WDHD1: variants seen among roughly 807,000 people sequenced by gnomAD.
WDHD1 encodes WD repeat and HMG-box DNA-binding protein 1.
A neutral mutation model predicts 135.4 loss-of-function variants in WDHD1; 111 were observed. The observed-to-expected ratio is 0.82, with a 90% CI of 0.70 to 0.96. The LOEUF is 0.96. WDHD1 is among the 40% of genes least tolerant of loss of function. WDHD1 has a pLI of 0.00. For synonymous variants in WDHD1, 434 were observed against 439.0 expected (o/e 0.99, Z 0.14); for missense variants, 1,351 against 1,336.3 (o/e 1.01, Z -0.17).
At chr14:54,991,161 G>T in intron 12 of WDHD1, 52 bp downstream of exon 12, 1 of 1,023,902 alleles carries the variant, frequency 9.8e-7, no homozygotes, top group Non-Finnish European at 1.5e-6. Flanking sequence ...ACTATAGTAA[G>T]AAAAAAGTGC....
rs1221559938 is a variant in WDHD1, at chr14:55,010,300, G to C, written c.341+9C>G. The C allele has an allele frequency of 5.7e-6, 9 of 1,575,624 alleles. No individual in the cohort carries two copies. The African/African-American group carries it at 1.2e-4, about 22-fold the overall frequency. On this transcript the variant is annotated intron_variant, in intron 4 of 25. Transcript: ENST00000360586. ...CATTATTTCCTTTTCTGATGTCAAA[G>C]AGCCTTACCTAGATCCAGCAGCAAT...
intron 10 of WDHD1, among the ~76,000 whole-genome samples, chr14:54,999,042 C>T (rs1281730567): frequency 1.3e-5 from 2 of 152,202 alleles, no homozygotes; most frequent in East Asian, 3.9e-4. Flanking sequence ...TTTTTGTCTT[C>T]CCTGGAGTTA....
chr14:54,992,452 T>C (rs1162928723), intron 11 of WDHD1, among the ~76,000 whole-genome samples: 1 of 152,216 alleles, frequency 6.6e-6, no homozygotes, highest in Non-Finnish European at 1.5e-5. Flanking sequence ...ATCGTGCCAC[T>C]GCACTCTAGG....
chr14:54,960,772 C>T (rs1448622607), intron 21 of WDHD1, among the ~76,000 whole-genome samples: 2 of 151,354 alleles, frequency 1.3e-5, no homozygotes, highest in East Asian at 1.9e-4. Flanking sequence ...TCCCAAAGTG[C>T]TGGAATTACA....
intron 4 of WDHD1, among the ~76,000 whole-genome samples, chr14:55,009,214 T>C (rs1477767846): frequency 1.3e-5 from 2 of 152,210 alleles, no homozygotes; most frequent in Non-Finnish European, 2.9e-5. Context: ...AGATTTCCCA[T>C]TATGCTAAAA....
intron 11 of WDHD1, among the ~76,000 whole-genome samples, chr14:54,994,683 T>A (rs914267235): frequency 2.0e-5 from 3 of 150,238 alleles, no homozygotes; most frequent in Non-Finnish European, 3.0e-5. Flanking sequence ...ATCACTTGAA[T>A]CCAGGAGGCG....
rs1251308154 is a variant in WDHD1, at chr14:54,941,669, C to T, written c.3211G>A (p.Gly1071Arg). ...TCAGTTCCTTCACTTGCCGTTTCTCCTTTGGCTTTGTTAGCCCACACCTTT... is the reference window on the plus strand; with the variant it reads ...TCAGTTCCTTCACTTGCCGTTTCTCTTTTGGCTTTGTTAGCCCACACCTTT... ...ERKVWANKAK[G>R]ETASEGTEAK... The change falls in exon 26 of 26, where the codon GGA (glycine) becomes AGA (arginine). Residue 1071 changes from glycine to arginine, a missense_variant. Physicochemically the swap from Gly to Arg is moderately radical, Grantham distance 125 (BLOSUM62 -2). Around this residue, in one of 2 missense-constraint regions of WDHD1, gnomAD observed 1,330 missense variants for 1,296.1 expected, o/e 1.03. Transcript: ENST00000360586. 1.3e-5 allele frequency: 21 copies of T among 1,613,492 alleles called. No individual in the cohort carries two copies. The highest frequency in any genetic ancestry group is 1.8e-5 in the Non-Finnish European group (21 of 1,179,824).
rs2041789645 is a variant in WDHD1, at chr14:54,991,514, T to A, written c.1154-114A>T. 4 of 1,001,862 alleles carry A rather than the reference T, an allele frequency of 4.0e-6. No individual in the cohort carries two copies. In the East Asian group the frequency reaches 1.0e-4, roughly 25 times the overall value. 62.1% of individuals were successfully genotyped at this position (1,001,862 alleles called of 1,614,324 possible). A position where few individuals can be genotyped will look rare whatever the true frequency, so the allele number is the denominator to read the frequency against. The stretch of plus-strand genomic sequence containing the variant: ...TTCATATTCAATGACACTGACATGC[T>A]ATTTGCCTCTTTCACTGTGTTAAAG... On this transcript the variant is annotated intron_variant, in intron 11 of 25. Coordinates refer to ENST00000360586, the MANE Select transcript of WDHD1 (RefSeq NM_007086.4).
chr14:55,024,175 T>A (rs2042394978), intron 2 of WDHD1, among the ~76,000 whole-genome samples: 1 of 152,234 alleles, frequency 6.6e-6, no homozygotes, highest in Non-Finnish European at 1.5e-5. Context: ...GGGTCAATTG[T>A]ATATTTCTAT....
At chr14:55,002,529 G>GA (rs1260140464) in intron 7 of WDHD1, among the ~76,000 whole-genome samples, 1 of 152,058 alleles carries the variant, frequency 6.6e-6, no homozygotes, top group East Asian at 1.9e-4. Context: ...CATGGGAAGA[G>GA]AAAAAAATAA....
intron 24 of WDHD1, among the ~76,000 whole-genome samples, chr14:54,949,610 T>G (rs1238565292): frequency 6.6e-6 from 1 of 152,146 alleles, no homozygotes; most frequent in Non-Finnish European, 1.5e-5. Context: ...TTCCCCAACC[T>G]AGCAAGGCAG....
intron 25 of WDHD1, among the ~76,000 whole-genome samples, chr14:54,942,024 G>A (rs985433460): frequency 6.6e-6 from 1 of 152,106 alleles, no homozygotes; most frequent in Admixed American, 6.6e-5. Flanking sequence ...GCCGAGGTGG[G>A]TGGATCACGG....
intron 13 of WDHD1, among the ~76,000 whole-genome samples, chr14:54,988,291 G>A (rs1310741411): frequency 6.6e-6 from 1 of 151,836 alleles, no homozygotes; most frequent in Admixed American, 6.6e-5. Flanking sequence ...CAAAAATGTA[G>A]ATTAATAGTT....
chr14:54,975,067 C>T (rs2041503027), intron 16 of WDHD1, among the ~76,000 whole-genome samples: 1 of 152,086 alleles, frequency 6.6e-6, no homozygotes, highest in Admixed American at 6.5e-5. Flanking sequence ...CTAGTCGGTA[C>T]TATAATAAAT....
chr14:55,018,447 ACTC>A (rs1347966467), intron 2 of WDHD1, among the ~76,000 whole-genome samples: 1 of 152,148 alleles, frequency 6.6e-6, no homozygotes, highest in Non-Finnish European at 1.5e-5. Context: ...TTTTGATAGA[ACTC>A]CTATTTTTAA....
At chr14:55,016,019 T>C (rs967120065) in intron 2 of WDHD1, among the ~76,000 whole-genome samples, 11 of 152,178 alleles carry the variant, frequency 7.2e-5, no homozygotes, top group African/African-American at 2.4e-4. Flanking sequence ...TCTTGGTGTA[T>C]CAGCAGATGC....
chr14:55,002,927 G>A (rs1390550640), intron 7 of WDHD1, among the ~76,000 whole-genome samples: 1 of 151,928 alleles, frequency 6.6e-6, no homozygotes, highest in Non-Finnish European at 1.5e-5. Flanking sequence ...AGGTCCTTCT[G>A]ATATAAAAAT....
In WDHD1 at chr14:54,972,276, C is replaced by CAA. The variant is rs1407627539; in HGVS notation, c.2064-4883_2064-4882insTT. 2.3e-4 allele frequency among the ~76,000 whole-genome samples: 20 copies of CAA among 87,380 alleles called. 2 individuals carry two copies. Among genetic ancestry groups the CAA allele is most frequent in the African/African-American group, 7.4e-4 (13 of 17,472 alleles). The allele number at this position is 87,380 out of a possible 152,430, so 57.3% of individuals were successfully genotyped here. A position where few individuals can be genotyped will look rare whatever the true frequency, so the allele number is the denominator to read the frequency against. ...GGAGACAGAGTGAGACTCGGTCTCA[C>CAA]CAAAAAAAAAAAAAAAAGTTGGCCA... On this transcript the variant is annotated intron_variant, in intron 16 of 25. Transcript: ENST00000360586.
chr14:54,980,473 C>A (rs952321761), intron 16 of WDHD1, among the ~76,000 whole-genome samples: 1 of 152,042 alleles, frequency 6.6e-6, no homozygotes, highest in African/African-American at 2.4e-5. Flanking sequence ...ATGCCAGCAG[C>A]AGTACTTCCC....
Sources: allele counts gnomAD v4.1 joint callset (sites outside exome capture counted in the v4.1 genomes callset), GRCh38; gene constraint gnomAD v4.1.1; regional missense constraint gnomAD v4.1.1; transcripts MANE v1.5; gene names NCBI Gene and HGNC (gene_info 2026-07-23, HGNC 2026-07-21).